The following SLC4A10 variants were observed in gnomAD, a reference collection of about 807,000 sequenced individuals.
The protein encoded by SLC4A10 is solute carrier family 4 member 10.
In SLC4A10, 42 loss-of-function variants were observed where a neutral mutation model predicts 137.7. The ratio of observed to expected loss-of-function variants is 0.30; its 90% confidence interval spans 0.24 to 0.39. The LOEUF is 0.39. Among genes scored for constraint, SLC4A10 ranks in the 10% least tolerant of loss-of-function variants. The pLI is 1.00. For missense variants in SLC4A10, 925 were observed against 1,355.0 expected, an observed-to-expected ratio of 0.68 and a Z score of 4.98; for synonymous variants, 474 against 464.1, an observed-to-expected ratio of 1.02 and a Z score of -0.27.
intron 15 of SLC4A10, among the ~76,000 whole-genome samples, chr2:161,908,483 GC>G (rs1364226448): frequency 6.7e-6 from 1 of 150,310 alleles, no homozygotes. Context: ...TATACCTAAT[GC>G]TAAATGACGA....
chr2:161,846,082 A>G (rs2059474698), intron 4 of SLC4A10, among the ~76,000 whole-genome samples: 1 of 152,164 alleles, frequency 6.6e-6, no homozygotes, highest in African/African-American at 2.4e-5. Flanking sequence ...ATATTCAACA[A>G]AAGTGTTATA....
At chr2:161,627,392 A>G (rs2032618513) in intron 1 of SLC4A10, among the ~76,000 whole-genome samples, 3 of 152,146 alleles carry the variant, frequency 2.0e-5, no homozygotes, top group Non-Finnish European at 4.4e-5. Flanking sequence ...GACAGGCATT[A>G]AAAGCCAAGA....
intron 10 of SLC4A10, 31 bp downstream of exon 10, chr2:161,882,475 C>G (rs550964311): frequency 6.8e-7 from 1 of 1,470,282 alleles, no homozygotes; most frequent in Admixed American, 2.1e-5. Flanking sequence ...GGAACATTTT[C>G]CCCCATTAGG....
chr2:161,678,997 G>A (rs942840963), intron 1 of SLC4A10, among the ~76,000 whole-genome samples: 7 of 152,064 alleles, frequency 4.6e-5, no homozygotes, highest in Non-Finnish European at 7.4e-5. Flanking sequence ...AAATTGTTAG[G>A]ATGTGAATAC....
chr2:161,977,121 G>C (rs1165106955), intron 25 of SLC4A10, among the ~76,000 whole-genome samples: 2 of 151,902 alleles, frequency 1.3e-5, no homozygotes, highest in Non-Finnish European at 2.9e-5. Context: ...ATTCATCTTG[G>C]CCTACTGTTT....
chr2:161,897,380 G>A (rs1029225013), intron 11 of SLC4A10, among the ~76,000 whole-genome samples: 1 of 151,988 alleles, frequency 6.6e-6, no homozygotes, highest in Non-Finnish European at 1.5e-5. Flanking sequence ...TTGCCCTGTG[G>A]AGTTCAGCCT....
intron 1 of SLC4A10, among the ~76,000 whole-genome samples, chr2:161,762,341 A>T (rs1350816838): frequency 6.6e-6 from 1 of 152,130 alleles, no homozygotes; most frequent in Non-Finnish European, 1.5e-5. Flanking sequence ...ATTAAAAGTT[A>T]GGTTTGACTT....
chr2:161,838,191 C>A (rs1376759630), intron 3 of SLC4A10, among the ~76,000 whole-genome samples: 1 of 151,978 alleles, frequency 6.6e-6, no homozygotes, highest in Non-Finnish European at 1.5e-5. Flanking sequence ...ACGGCACAAA[C>A]CATGAAGAAT....
intron 5 of SLC4A10, among the ~76,000 whole-genome samples, chr2:161,860,090 T>C (rs1296421728): frequency 2.0e-5 from 3 of 152,218 alleles, no homozygotes; most frequent in African/African-American, 7.2e-5. Context: ...CAGATTCCTT[T>C]TGGTACTTAA....
intron 3 of SLC4A10, among the ~76,000 whole-genome samples, chr2:161,826,047 A>G (rs2058001621): frequency 6.6e-6 from 1 of 152,204 alleles, no homozygotes; most frequent in African/African-American, 2.4e-5. Context: ...AGAATTGATA[A>G]TATTATATTA....
intron 16 of SLC4A10, 76 bp from the exon 17 acceptor site, chr2:161,947,490 A>C: frequency 1.4e-6 from 2 of 1,443,794 alleles, no homozygotes; most frequent in Non-Finnish European, 1.9e-6. Context: ...ACAATTGATC[A>C]GAAGGTGTTA....
intron 1 of SLC4A10, among the ~76,000 whole-genome samples, chr2:161,746,019 G>T (rs558917509): frequency 1.3e-5 from 2 of 152,216 alleles, no homozygotes; most frequent in South Asian, 2.1e-4. Context: ...CTGGAATCTT[G>T]TTGGGTCACC....
intron 1 of SLC4A10, among the ~76,000 whole-genome samples, chr2:161,761,587 G>C (rs947301195): frequency 1.3e-5 from 2 of 151,916 alleles, no homozygotes; most frequent in Non-Finnish European, 2.9e-5. Context: ...AAACCAGCAG[G>C]CAAAAATGCA....
At chr2:161,836,882 G>T (rs2058853303) in intron 3 of SLC4A10, among the ~76,000 whole-genome samples, 1 of 152,148 alleles carries the variant, frequency 6.6e-6, no homozygotes, top group African/African-American at 2.4e-5. Context: ...AAATATGAGG[G>T]CTAAAAGGAA....
intron 1 of SLC4A10, among the ~76,000 whole-genome samples, chr2:161,641,304 A>T (rs1483425905): frequency 1.3e-5 from 2 of 152,170 alleles, no homozygotes; most frequent in Non-Finnish European, 2.9e-5. Flanking sequence ...TGAACTATCC[A>T]GTAGCTTTTG....
At chr2:161,662,081 T>C (rs912680689) in intron 1 of SLC4A10, among the ~76,000 whole-genome samples, 1 of 152,156 alleles carries the variant, frequency 6.6e-6, no homozygotes, top group African/African-American at 2.4e-5. Context: ...TGCAGTAATC[T>C]AATATGAATG....
At chr2:161,836,538 AAG>A (rs1559358973) in intron 3 of SLC4A10, among the ~76,000 whole-genome samples, 362 of 10,500 alleles carry the variant, frequency 0.034, 3 homozygotes, top group African/African-American at 0.059. Flanking sequence ...GAGAGAAAGA[AAG>A]AAAGAAAGAA....
At chr2:161,949,814 T>C (rs959659336) in intron 18 of SLC4A10, among the ~76,000 whole-genome samples, 1 of 152,012 alleles carries the variant, frequency 6.6e-6, no homozygotes, top group East Asian at 1.9e-4. Flanking sequence ...ATATATACCT[T>C]ATACATATAA....
Position 161,904,190 on chromosome 2 carries a change from G to T in SLC4A10, c.1617+12G>T, listed in dbSNP as rs1391012832. On this transcript the variant is annotated intron_variant, in intron 13 of 26. Coordinates refer to ENST00000446997, the MANE Select transcript of SLC4A10 (RefSeq NM_001178015.2). Reference sequence around the variant, plus strand: ...CTGAAGGGCGTATAGTATGTATTATGCTTTTCTCTGAACTTTGAAACATAA... The same window carrying T: ...CTGAAGGGCGTATAGTATGTATTATTCTTTTCTCTGAACTTTGAAACATAA... The T allele has an allele frequency of 6.3e-7, 1 of 1,587,318 alleles. No individual in the cohort carries two copies.
Sources: allele counts gnomAD v4.1 joint callset (sites outside exome capture counted in the v4.1 genomes callset), GRCh38; gene constraint gnomAD v4.1.1; transcripts MANE v1.5; gene names NCBI Gene and HGNC (gene_info 2026-07-23, HGNC 2026-07-21).